MTR: variants seen among roughly 807,000 people sequenced by gnomAD.
MTR encodes 5-methyltetrahydrofolate-homocysteine methyltransferase.
A neutral mutation model predicts 154.8 loss-of-function variants in MTR; 84 were observed. The ratio of observed to expected loss-of-function variants is 0.54; its 90% CI spans 0.45 to 0.65. The LOEUF (loss-of-function observed/expected upper bound fraction) is 0.65, where lower values mean the gene tolerates loss of function less well. Among genes scored for constraint, MTR ranks in the 30% least tolerant of loss-of-function variants. MTR has a pLI of 0.00. For synonymous variants in MTR, 554 were observed against 553.9 expected, an observed-to-expected ratio of 1.00 and a Z score of 0.00; for missense variants, 1,275 against 1,570.2, an observed-to-expected ratio of 0.81 and a Z score of 3.18.
intron 1 of MTR, among the ~76,000 whole-genome samples, chr1:236,797,599 C>T (rs1186181624): frequency 6.6e-6 from 1 of 151,958 alleles, no homozygotes; most frequent in Non-Finnish European, 1.5e-5. Context: ...AATTCTTCTC[C>T]GGCTTATTAA....
chr1:236,886,267 C>T, intron 26 of MTR, 25 bp from the exon 27 acceptor site: 1 of 1,604,286 alleles, frequency 6.2e-7, no homozygotes. Context: ...GAGTGTCTAA[C>T]TAATTTTTCT....
Position 236,883,372 on chromosome 1 carries a change from G to A in MTR, c.2677-1749G>A, listed in dbSNP as rs150773295. Among the ~76,000 whole-genome samples the A allele has an allele frequency of 4.0e-3, 611 of 152,182 alleles. 2 individuals are homozygous for A. The highest frequency in any genetic ancestry group is 0.01 in the Middle Eastern group (3 of 294). ...AAGGGGCCTGCCACTGTGGCTCTGG[G>A]AGCAGCGGGCTTCATGGGGCTGTGC... On this transcript the variant is annotated intron_variant, in intron 25 of 32. Coordinates refer to ENST00000366577, the MANE Select transcript of MTR (RefSeq NM_000254.3).
intron 21 of MTR, 96 bp from the exon 22 acceptor site, chr1:236,863,358 A>G: frequency 1.1e-6 from 1 of 946,206 alleles, no homozygotes; most frequent in Non-Finnish European, 1.7e-6. Flanking sequence ...GGTTGTATTG[A>G]ATTGCTTTCT....
At chr1:236,820,099 C>A in intron 8 of MTR, 1 of 769,510 alleles carries the variant, frequency 1.3e-6, no homozygotes, top group Non-Finnish European at 2.4e-6. Context: ...TTCCCCTCTG[C>A]GCTATGTGGA....
chr1:236,847,486 C>CCTT (rs1215663729), intron 15 of MTR, among the ~76,000 whole-genome samples: 2 of 152,220 alleles, frequency 1.3e-5, no homozygotes, highest in Non-Finnish European at 2.9e-5. Context: ...TTAAGTAAAG[C>CCTT]CTTCTACTCA....
chr1:236,874,372 T>G (rs1028172420), intron 23 of MTR, among the ~76,000 whole-genome samples: 2 of 151,916 alleles, frequency 1.3e-5, no homozygotes, highest in African/African-American at 4.8e-5. Flanking sequence ...GTCAGAAGTT[T>G]GAGACCAGCC....
intron 1 of MTR, among the ~76,000 whole-genome samples, chr1:236,802,277 A>AG (rs1022674586): frequency 1.3e-5 from 2 of 152,120 alleles, no homozygotes; most frequent in African/African-American, 4.8e-5. Context: ...TATTAGATTG[A>AG]GGGGCAGGTG....
At chr1:236,832,973 C>T (rs543960862) in intron 13 of MTR, among the ~76,000 whole-genome samples, 1 of 152,322 alleles carries the variant, frequency 6.6e-6, no homozygotes, top group South Asian at 2.1e-4. Context: ...CTGTCCAGTG[C>T]TCCTGTATGC....
At chr1:236,799,718 C>T (rs1231903740) in intron 1 of MTR, among the ~76,000 whole-genome samples, 2 of 151,466 alleles carry the variant, frequency 1.3e-5, no homozygotes, top group East Asian at 1.9e-4. Context: ...CCCAACCCAT[C>T]GTCTATTATT....
rs567784027 is a variant in MTR, at chr1:236,874,697, C to G, written c.2474-29C>G. The stretch of plus-strand genomic sequence containing the variant: ...TCATCTTCCTCACTGTCCTTTTTGT[C>G]CTTTTTTTTTTAAAAAAAAAAAAAA... On this transcript the variant is annotated intron_variant, in intron 23 of 32. Transcript: ENST00000366577. 2.8e-4 allele frequency: 390 copies of G among 1,399,576 alleles called. 3 individuals are homozygous for G. In the African/African-American group the frequency reaches 6.3e-3, roughly 23 times the overall value. 86.7% of individuals were successfully genotyped at this position (1,399,576 alleles called of 1,614,324 possible).
At chr1:236,856,026 G>A (rs1179420464) in intron 18 of MTR, among the ~76,000 whole-genome samples, 4 of 152,164 alleles carry the variant, frequency 2.6e-5, no homozygotes, top group African/African-American at 9.7e-5. Context: ...ATAGCTATCA[G>A]GTGGGATAGT....
intron 22 of MTR, among the ~76,000 whole-genome samples, chr1:236,869,950 C>T (rs1022500097): frequency 1.3e-5 from 2 of 152,198 alleles, no homozygotes; most frequent in African/African-American, 2.4e-5. Flanking sequence ...CCATTTTGGG[C>T]CTTCCATACA....
intron 3 of MTR, among the ~76,000 whole-genome samples, chr1:236,807,055 T>C (rs763007949): frequency 9.9e-5 from 15 of 152,224 alleles, no homozygotes; most frequent in Non-Finnish European, 1.6e-4. Flanking sequence ...CATGTATATA[T>C]AGCATGTATT....
At chr1:236,838,845 T>C (rs1424929125) in intron 15 of MTR, among the ~76,000 whole-genome samples, 1 of 152,126 alleles carries the variant, frequency 6.6e-6, no homozygotes, top group African/African-American at 2.4e-5. Flanking sequence ...CGTCATAGAG[T>C]GTATTTACAC....
Position 236,891,269 on chromosome 1 carries a change from A to G in MTR, c.3144A>G (p.Ala1048=), listed in dbSNP as rs2229276. Residue 1048 remains alanine (A), a synonymous_variant, in exon 29 of 33, where the codon GCA becomes GCG. Coordinates refer to ENST00000366577, the MANE Select transcript of MTR (RefSeq NM_000254.3). ...TCCAAGACGACATTCACCTGTACGC[A>G]GAGGCTGCTGTGCCCCAGGCTGCAG... The part of the protein sequence containing the change: ...QSIQDDIHLY[A]EAAVPQAAEP... 636,197 of 1,613,820 alleles carry G rather than the reference A, an allele frequency of 0.39. 128,404 individuals carry two copies. The highest frequency in any genetic ancestry group is 0.46 in the East Asian group (20,707 of 44,860).
chr1:236,860,404 TGTTTTG>T (rs1474250150), intron 19 of MTR, among the ~76,000 whole-genome samples: 3 of 134,008 alleles, frequency 2.2e-5, no homozygotes, highest in Admixed American at 7.1e-5. Context: ...AGTTTTGTTT[TGTTTTG>T]TTTTTTTTTG....
At chr1:236,836,268 T>TA in intron 14 of MTR, among the ~76,000 whole-genome samples, 1 of 152,250 alleles carries the variant, frequency 6.6e-6, no homozygotes, top group East Asian at 1.9e-4. Flanking sequence ...TGATTTTTTT[T>TA]TTTCCCCTCC....
intron 9 of MTR, 121 bp from the exon 10 acceptor site, chr1:236,825,217 T>C: frequency 3.4e-6 from 2 of 586,608 alleles, no homozygotes; most frequent in Non-Finnish European, 2.9e-6. Context: ...GTGTTTGTTT[T>C]TGCAAGTAGT....
At chr1:236,875,664 A>G (rs1034347586) in intron 24 of MTR, among the ~76,000 whole-genome samples, 3 of 152,156 alleles carry the variant, frequency 2.0e-5, no homozygotes, top group African/African-American at 4.8e-5. Flanking sequence ...TACAATAAAG[A>G]TCTGGGTATA....
Sources: gnomAD v4.1 joint callset for allele counts (sites outside exome capture counted in the v4.1 genomes callset) on GRCh38, gnomAD v4.1.1 for gene constraint, MANE v1.5 for transcripts, NCBI Gene and HGNC (gene_info 2026-07-23, HGNC 2026-07-21) for gene names.